Variants in RANBP3 observed in about 807,000 individuals in gnomAD.
RANBP3 encodes the protein ran-binding protein 3.
In RANBP3, 14 loss-of-function variants were observed where a neutral mutation model predicts 77.3. The observed-to-expected ratio is 0.18, with a 90% CI of 0.12 to 0.28. The LOEUF (loss-of-function observed/expected upper bound fraction) is 0.28. Among genes scored for constraint, RANBP3 ranks in the 10% least tolerant of loss-of-function variants. RANBP3 has a pLI of 1.00. For missense variants in RANBP3, 586 were observed against 752.3 expected (o/e 0.78, Z 2.59); for synonymous variants, 315 against 312.4 (o/e 1.01, Z -0.09).
intron 1 of RANBP3, among the ~76,000 whole-genome samples, chr19:5,966,593 C>T (rs1465855290): frequency 6.6e-6 from 1 of 152,246 alleles, no homozygotes; most frequent in Non-Finnish European, 1.5e-5. Flanking sequence ...GAAGCAAGGG[C>T]AGCCCTGCCT....
intron 5 of RANBP3, among the ~76,000 whole-genome samples, chr19:5,939,967 C>A (rs1055279521): frequency 2.0e-5 from 3 of 152,266 alleles, no homozygotes; most frequent in Non-Finnish European, 4.4e-5. Flanking sequence ...GTTCCCCCTC[C>A]CCCACCTAAG....
chr19:5,971,793 T>C (rs1336619218), intron 1 of RANBP3, among the ~76,000 whole-genome samples: 1 of 152,092 alleles, frequency 6.6e-6, no homozygotes. Context: ...GAATGCAGAG[T>C]CTAGGAGTCT....
chr19:5,966,875 A>C (rs1568481055), intron 1 of RANBP3, among the ~76,000 whole-genome samples: 1 of 152,244 alleles, frequency 6.6e-6, no homozygotes, highest in South Asian at 2.1e-4. Flanking sequence ...TCCTGGGCTG[A>C]TATGTCTTAA....
intron 3 of RANBP3, 75 bp from the exon 4 acceptor site, chr19:5,941,910 C>A: frequency 6.5e-7 from 1 of 1,544,704 alleles, no homozygotes; most frequent in Non-Finnish European, 8.9e-7. Flanking sequence ...GGGGCCGTAA[C>A]AAATATCCCA....
chr19:5,951,671 T>A, intron 2 of RANBP3, 75 bp from the exon 3 acceptor site: 1 of 1,395,268 alleles, frequency 7.2e-7, no homozygotes, highest in Non-Finnish European at 9.9e-7. Context: ...CGGGCAGGGG[T>A]CAGAGGCTGG....
rs368348655 is a variant in RANBP3 at position 5,932,495 on chromosome 19, C to G, written c.522G>C (p.Pro174=). 1.2e-6 allele frequency: 2 copies of G among 1,613,880 alleles called. No individual in the cohort carries two copies. The highest frequency in any genetic ancestry group is 2.7e-5 in the African/African-American group (2 of 75,056). The part of the protein sequence containing the change: ...PKEQQRSVLR[P]AVLQAPQPKA... ...TTGGCTGCGGAGCTTGTAACACTGC[C>G]GGGCGAAGCACGCTCCGCTGCTGCT... is the stretch of plus-strand genomic sequence containing the variant. The change falls in exon 7 of 17, where the codon CCG becomes CCC. Residue 174 remains proline, a synonymous_variant. Coordinates refer to ENST00000340578, the MANE Select transcript of RANBP3 (RefSeq NM_007322.3).
chr19:5,923,920 G>T lies in RANBP3; in HGVS notation c.997-6C>A, dbSNP rs770908981. On this transcript the variant is annotated splice_polypyrimidine_tract_variant and splice_region_variant and intron_variant, in intron 11 of 16. Transcript: ENST00000340578. ...TCGTTTAATTTTGGGGGGCTCTGCA[G>T]GGACACAAAAGCATACAAGGAAGAG... 6.2e-7 allele frequency: 1 copy of T among 1,609,518 alleles called. No individual in the cohort carries two copies.
chr19:5,953,966 C>T (rs925020088), intron 2 of RANBP3, among the ~76,000 whole-genome samples: 5 of 152,220 alleles, frequency 3.3e-5, no homozygotes, highest in Non-Finnish European at 7.3e-5. Flanking sequence ...CACCCACACG[C>T]AGGCCACGGT....
intron 14 of RANBP3, 77 bp from the exon 15 acceptor site, chr19:5,918,715 A>C (rs1179090438): frequency 6.5e-7 from 1 of 1,538,806 alleles, no homozygotes; most frequent in East Asian, 2.3e-5. Flanking sequence ...GAGCCAACAC[A>C]GTCCAGATGG....
chr19:5,918,266 C>A, intron 15 of RANBP3: 1 of 622,228 alleles, frequency 1.6e-6, no homozygotes, highest in Non-Finnish European at 2.7e-6. Flanking sequence ...ACATCACAAC[C>A]CCTCAGCCAA....
chr19:5,957,190 A>C (rs1235730552), intron 2 of RANBP3, among the ~76,000 whole-genome samples: 1 of 152,160 alleles, frequency 6.6e-6, no homozygotes, highest in Non-Finnish European at 1.5e-5. Flanking sequence ...ACTTCTGACA[A>C]AACTCTGACC....
At chr19:5,965,554 G>C (rs1311017285) in intron 1 of RANBP3, among the ~76,000 whole-genome samples, 2 of 152,164 alleles carry the variant, frequency 1.3e-5, no homozygotes, top group East Asian at 3.9e-4. Flanking sequence ...GAGCCCCTTG[G>C]GACAGGGTGG....
chr19:5,960,255 G>A (rs1426059460), intron 1 of RANBP3, among the ~76,000 whole-genome samples: 1 of 152,206 alleles, frequency 6.6e-6, no homozygotes, highest in Non-Finnish European at 1.5e-5. Flanking sequence ...GCTGATTTTT[G>A]CTTAAGCCAG....
chr19:5,951,407 G>A lies in RANBP3; in HGVS notation c.268C>T (p.Arg90Ter), dbSNP rs759991228. Reference sequence around the variant, plus strand: ...TGTGGACTTACCCCTGCCAGTTCTCGCGGAAAAGGAGGAAGCTGGGCTTCA... The same window carrying A: ...TGTGGACTTACCCCTGCCAGTTCTCACGGAAAAGGAGGAAGCTGGGCTTCA... ...APEAQLPPFP[R>*]ELAGRSAGGS... Residue 90 changes from arginine (R) to a stop codon, truncating the protein, a stop_gained, in exon 3 of 17, where the codon CGA (arginine) becomes TGA (stop). Coordinates refer to ENST00000340578, the MANE Select transcript of RANBP3 (RefSeq NM_007322.3). LOFTEE classifies it high-confidence loss of function. 4 of 1,561,086 alleles carry A rather than the reference G, an allele frequency of 2.6e-6. No individual in the cohort carries two copies. The highest frequency in any genetic ancestry group is 1.4e-5 in the African/African-American group (1 of 73,650).
At chr19:5,951,775 C>T (rs1364387549) in intron 2 of RANBP3, among the ~76,000 whole-genome samples, 179 bp from the exon 3 acceptor site, 2 of 152,140 alleles carry the variant, frequency 1.3e-5, no homozygotes, top group Non-Finnish European at 2.9e-5. Flanking sequence ...ACCGGCTCTC[C>T]GGCTGACGGA....
rs1478291130 is a variant in RANBP3, at chr19:5,924,756, A to G, written c.996+71T>C. On this transcript the variant is annotated intron_variant, in intron 11 of 16. Transcript: ENST00000340578. The surrounding 1 kb of genome is among the most constrained non-coding windows in gnomAD (Gnocchi z 4.7). ...GGACGACACAGCAGCCCTGCTCTCC[A>G]TGTCCCCTTGACCTGTGGCTGGCGC... The G allele has an allele frequency of 4.8e-6, 7 of 1,455,176 alleles. No individual in the cohort carries two copies. In the African/African-American group the frequency reaches 7.0e-5, roughly 15 times the overall value. The allele number at this position is 1,455,176 out of a possible 1,614,324, so 90.1% of individuals were successfully genotyped here.
intron 1 of RANBP3, among the ~76,000 whole-genome samples, chr19:5,965,228 A>G (rs966865219): frequency 1.3e-5 from 2 of 151,900 alleles, no homozygotes; most frequent in Non-Finnish European, 2.9e-5. Flanking sequence ...AAGTCCATAA[A>G]ACCCTCACCC....
chr19:5,957,526 C>CT (rs1410473052), intron 2 of RANBP3, among the ~76,000 whole-genome samples: 22 of 151,534 alleles, frequency 1.5e-4, no homozygotes, highest in African/African-American at 4.8e-4. Flanking sequence ...TGCTCTCCTC[C>CT]TTCCCCTCCC....
intron 3 of RANBP3, among the ~76,000 whole-genome samples, chr19:5,949,369 G>A (rs571174439): frequency 4.9e-4 from 75 of 152,330 alleles, no homozygotes; most frequent in African/African-American, 1.8e-3. Context: ...CCGATTAGTA[G>A]AGAAAGCCAA....
Sources: allele counts gnomAD v4.1 joint callset (sites outside exome capture counted in the v4.1 genomes callset), GRCh38; gene constraint gnomAD v4.1.1; non-coding constraint Gnocchi (gnomAD v3.1); transcripts MANE v1.5; gene names NCBI Gene and HGNC (gene_info 2026-07-23, HGNC 2026-07-21).